KIF2C: variants seen among roughly 807,000 people sequenced by gnomAD.
The protein encoded by KIF2C is kinesin-like protein KIF2C.
In KIF2C, 34 loss-of-function variants were observed where a neutral mutation model predicts 97.4. The observed-to-expected ratio is 0.35, with a 90% CI of 0.27 to 0.46. The LOEUF (loss-of-function observed/expected upper bound fraction) is 0.46, where lower values mean the gene tolerates loss of function less well. KIF2C is among the 20% of genes least tolerant of loss of function. The pLI is 1.00. For missense variants in KIF2C, 750 were observed against 907.6 expected (o/e 0.83, Z 2.23); for synonymous variants, 313 against 318.2 (o/e 0.98, Z 0.17).
intron 19 of KIF2C, among the ~76,000 whole-genome samples, chr1:44,765,620 G>T (rs1433372003): frequency 6.6e-6 from 1 of 152,078 alleles, no homozygotes. Context: ...AGATCACAAG[G>T]TCAGGAGATC....
rs1343521809 is a variant in KIF2C at position 44,741,021 on chromosome 1, G to C, written c.165+14G>C. On this transcript the variant is annotated intron_variant, in intron 2 of 20. Transcript: ENST00000372224. ...AAGGGCAAAGAGGTAGGTTCTATGA[G>C]AATTCCTCTACCACATTTAATGTCT... The C allele has an allele frequency of 1.3e-6, 2 of 1,577,814 alleles. No individual in the cohort carries two copies. The highest frequency in any genetic ancestry group is 1.7e-6 in the Non-Finnish European group (2 of 1,147,566).
Position 44,760,385 on chromosome 1 carries a change from A to G in KIF2C, c.1473A>G (p.Val491=), listed in dbSNP as rs1258137469. The G allele has an allele frequency of 2.5e-6, 4 of 1,614,232 alleles. No individual in the cohort carries two copies. Among genetic ancestry groups the G allele is most frequent in the Non-Finnish European group, 3.4e-6 (4 of 1,180,038 alleles). The change falls in exon 15 of 21, where the codon GTA becomes GTG. Residue 491 remains valine, a synonymous_variant. Transcript: ENST00000372224. The surrounding 1 kb of genome is among the most constrained non-coding windows in gnomAD (Gnocchi z 4.2). Reference sequence around the variant, plus strand: ...GAATGCATGGCAAGTTCTCTTTGGTAGATCTGGCAGGGAATGAGCGAGGCG... The same window carrying G: ...GAATGCATGGCAAGTTCTCTTTGGTGGATCTGGCAGGGAATGAGCGAGGCG... ...KGRMHGKFSL[V]DLAGNERGAD...
chr1:44,766,554 T>C (rs1309684240), intron 19 of KIF2C, among the ~76,000 whole-genome samples: 2 of 151,362 alleles, frequency 1.3e-5, no homozygotes, highest in South Asian at 4.2e-4. Context: ...GAGGCTATGG[T>C]GAGCCGAGAT....
At chr1:44,765,879 T>C (rs1326294645) in intron 19 of KIF2C, among the ~76,000 whole-genome samples, 3 of 151,978 alleles carry the variant, frequency 2.0e-5, no homozygotes, top group Non-Finnish European at 4.4e-5. Flanking sequence ...AGGTGAAATC[T>C]TGTCTCTACT....
rs1306212645 is a variant in KIF2C at position 44,761,937 on chromosome 1, A to G, written c.1705A>G (p.Ile569Val). 3.1e-6 allele frequency: 5 copies of G among 1,614,054 alleles called. No homozygotes were observed. In the African/African-American group the frequency reaches 4.0e-5, roughly 13 times the overall value. Reference sequence around the variant, plus strand: ...GCAGATTGCCACGATCTCACCAGGCATAAGCTCCTGTGAATATACTTTAAA... The same window carrying G: ...GCAGATTGCCACGATCTCACCAGGCGTAAGCTCCTGTGAATATACTTTAAA... ...TCMIATISPG[I>V]SSCEYTLNTL... Residue 569 changes from isoleucine to valine, a missense_variant, in exon 17 of 21, where the codon ATA (isoleucine) becomes GTA (valine). Ile to Val is a conservative substitution (Grantham distance 29, BLOSUM62 3). Coordinates refer to ENST00000372224, the MANE Select transcript of KIF2C (RefSeq NM_006845.4).
In KIF2C at chr1:44,750,471, A is replaced by G. The variant is rs1308246779; in HGVS notation, c.346A>G (p.Thr116Ala). Residue 116 changes from threonine to alanine, a missense_variant, in exon 5 of 21, where the codon ACT (threonine) becomes GCT (alanine). Transcript: ENST00000372224. ...TCGAAGCCGCTCCACTCGCATGTCC[A>G]CTGTCTCAGAGCTTCGCATCACGGC... ...SLRSRSTRMS[T>A]VSELRITAQE... The G allele has an allele frequency of 3.8e-6, 6 of 1,564,460 alleles. No homozygotes were observed. The highest frequency in any genetic ancestry group is 2.7e-5 in the African/African-American group (2 of 73,386).
chr1:44,766,620 C>T (rs1334419567), intron 19 of KIF2C, among the ~76,000 whole-genome samples: 2 of 150,916 alleles, frequency 1.3e-5, no homozygotes, highest in East Asian at 3.9e-4. Context: ...AAAAAAGAAA[C>T]AAAGAAAACG....
Position 44,767,396 on chromosome 1 carries a change from A to G in KIF2C, c.*217A>G. The G allele has an allele frequency of 2.0e-6, 1 of 489,332 alleles. No homozygotes were observed. Among genetic ancestry groups the G allele is most frequent in the Non-Finnish European group, 3.8e-6 (1 of 266,496 alleles). 30.3% of individuals were successfully genotyped at this position (489,332 alleles called of 1,614,324 possible). On this transcript the variant is annotated 3_prime_UTR_variant, in exon 21 of 21. Transcript: ENST00000372224. ...GTTCCTCAGTTGTCGCCCTCACGAG[A>G]GGAAGGAGCTCTTAGTTACCCTTTT...
chr1:44,764,289 C>T (rs1438404552), intron 19 of KIF2C, among the ~76,000 whole-genome samples: 1 of 150,852 alleles, frequency 6.6e-6, no homozygotes, highest in Non-Finnish European at 1.5e-5. Flanking sequence ...GATTCTCCTT[C>T]CTCAGCCTCC....
intron 1 of KIF2C, among the ~76,000 whole-genome samples, chr1:44,740,257 G>C (rs900132524): frequency 6.6e-6 from 1 of 152,190 alleles, no homozygotes; most frequent in African/African-American, 2.4e-5. Context: ...AGACCTCCCA[G>C]GGAAGTTGGG....
chr1:44,760,494 C>T lies in KIF2C; in HGVS notation c.1572+10C>T. The T allele has an allele frequency of 6.2e-7, 1 of 1,613,554 alleles. No homozygotes were observed. The highest frequency in any genetic ancestry group is 8.5e-7 in the Non-Finnish European group (1 of 1,179,732). Reference sequence around the variant, plus strand: ...TCTCTTAGCCCTGAAGGTAGTGGGGCAGCTAGAGCTGGTTGGCCGGGAGAG... The same window carrying T: ...TCTCTTAGCCCTGAAGGTAGTGGGGTAGCTAGAGCTGGTTGGCCGGGAGAG... On this transcript the variant is annotated intron_variant, in intron 15 of 20. Coordinates refer to ENST00000372224, the MANE Select transcript of KIF2C (RefSeq NM_006845.4). This position sits in a 1 kb window ranked among gnomAD's most constrained non-coding sequence, Gnocchi z 4.2.
chr1:44,754,880 G>A, intron 8 of KIF2C, 35 bp downstream of exon 8: 1 of 1,284,630 alleles, frequency 7.8e-7, no homozygotes, highest in Non-Finnish European at 1.1e-6. Flanking sequence ...TTTCTTAAGT[G>A]TACAATTGAG....
At chr1:44,757,999 G>A (rs1649930040) in intron 12 of KIF2C, 28 bp downstream of exon 12, 8 of 1,614,108 alleles carry the variant, frequency 5.0e-6, no homozygotes, top group Non-Finnish European at 6.8e-6. Flanking sequence ...CTGCTTCAGG[G>A]TTGGGCACAG....
chr1:44,764,139 A>G (rs775685850), intron 19 of KIF2C, among the ~76,000 whole-genome samples: 9 of 152,128 alleles, frequency 5.9e-5, no homozygotes, highest in Non-Finnish European at 1.2e-4. Context: ...CAAGCATGAA[A>G]ATCTTACAAG....
intron 19 of KIF2C, among the ~76,000 whole-genome samples, chr1:44,766,008 C>T (rs929845055): frequency 6.6e-6 from 1 of 152,022 alleles, no homozygotes; most frequent in African/African-American, 2.4e-5. Flanking sequence ...GCCGAGATCA[C>T]GCCACTGCAC....
intron 5 of KIF2C, among the ~76,000 whole-genome samples, chr1:44,751,157 A>G (rs1210847855): frequency 2.0e-5 from 3 of 151,708 alleles, no homozygotes; most frequent in Non-Finnish European, 4.4e-5. Context: ...TTCTAATAGC[A>G]TTAATTAGCT....
chr1:44,751,012 A>G (rs1649480978), intron 5 of KIF2C, among the ~76,000 whole-genome samples: 1 of 152,154 alleles, frequency 6.6e-6, no homozygotes, highest in Non-Finnish European at 1.5e-5. Context: ...AGCATTGAGT[A>G]TATAGTTCAG....
chr1:44,762,253 G>C, intron 17 of KIF2C, 93 bp from the exon 18 acceptor site: 1 of 1,176,104 alleles, frequency 8.5e-7, no homozygotes, highest in Non-Finnish European at 1.3e-6. Context: ...CCATCCCCTT[G>C]GAGCCTCAAG....
chr1:44,765,243 G>A (rs1237420177), intron 19 of KIF2C, among the ~76,000 whole-genome samples: 1 of 151,998 alleles, frequency 6.6e-6, no homozygotes, highest in Non-Finnish European at 1.5e-5. Flanking sequence ...GGGTAACATG[G>A]CCCCATCTCT....
Sources: gnomAD v4.1 joint callset for allele counts (sites outside exome capture counted in the v4.1 genomes callset) on GRCh38, gnomAD v4.1.1 for gene constraint, Gnocchi (gnomAD v3.1) non-coding constraint, MANE v1.5 for transcripts, NCBI Gene and HGNC (gene_info 2026-07-23, HGNC 2026-07-21) for gene names.